CDCP1: variants seen among roughly 807,000 people sequenced by gnomAD.
CDCP1 encodes CUB domain containing protein 1.
Under a neutral mutation model 60.2 loss-of-function variants are expected in CDCP1, and 29 were observed. That is an observed-to-expected ratio of 0.48 (90% CI 0.36 to 0.66). The LOEUF (loss-of-function observed/expected upper bound fraction) is 0.66, where lower values mean the gene tolerates loss of function less well. Among genes scored for constraint, CDCP1 ranks in the 30% least tolerant of loss-of-function variants. The pLI is 0.00. For missense variants in CDCP1, 876 were observed against 1,074.3 expected, an observed-to-expected ratio of 0.82 and a Z score of 2.58; for synonymous variants, 387 against 431.1, an observed-to-expected ratio of 0.90 and a Z score of 1.27.
At chr3:45,138,117 CAATT>C (rs759810658) in intron 1 of CDCP1, among the ~76,000 whole-genome samples, 4 of 152,312 alleles carry the variant, frequency 2.6e-5, no homozygotes, top group Admixed American at 6.5e-5. Flanking sequence ...CTGAGCATGA[CAATT>C]AAGTTGTTAT....
chr3:45,143,557 A>G (rs186381920), intron 1 of CDCP1, among the ~76,000 whole-genome samples: 4 of 152,356 alleles, frequency 2.6e-5, no homozygotes, highest in African/African-American at 7.2e-5. Context: ...ACACATTAAG[A>G]AGACTGCATC....
Position 45,134,906 on chromosome 3 carries a change from G to A in CDCP1, c.82+11300C>T, listed in dbSNP as rs1186628168. On this transcript the variant is annotated intron_variant, in intron 1 of 8. Coordinates refer to ENST00000296129, the MANE Select transcript of CDCP1 (RefSeq NM_022842.5). ...TCCAAAATAACCTACATCAGAAGTT[G>A]GTTACCTTTGAAAGGTGTTATGTCA... 4.6e-5 allele frequency among the ~76,000 whole-genome samples: 7 copies of A among 152,254 alleles called. No individual in the cohort carries two copies. In the East Asian group the frequency reaches 1.2e-3, roughly 25 times the overall value.
intron 1 of CDCP1, among the ~76,000 whole-genome samples, chr3:45,126,120 T>TCTC (rs1698982263): frequency 5.3e-4 from 62 of 117,584 alleles, no homozygotes; most frequent in Admixed American, 3.3e-3. Context: ...CTTTCTTTCT[T>TCTC]TCTTTCTTTC....
chr3:45,112,537 C>T lies in CDCP1; in HGVS notation c.293-92G>A, dbSNP rs867469959. 46 of 1,516,944 alleles carry T rather than the reference C, an allele frequency of 3.0e-5. No homozygotes were observed. The Middle Eastern group carries it at 1.1e-3, about 37-fold the overall frequency. 94.0% of individuals were successfully genotyped at this position (1,516,944 alleles called of 1,614,324 possible). A position where few individuals can be genotyped will look rare whatever the true frequency, so the allele number is the denominator to read the frequency against. On this transcript the variant is annotated intron_variant, in intron 2 of 8. Transcript: ENST00000296129. The stretch of plus-strand genomic sequence containing the variant: ...ACCACTCAGCCCCCTGTAGTAGACT[C>T]TTTGGGGCTCCCCCAAGGTGGCCTT...
Position 45,085,467 on chromosome 3 carries a change from T to C in CDCP1, c.*171A>G, listed in dbSNP as rs182324629. The C allele has an allele frequency of 1.5e-6, 1 of 659,942 alleles. No homozygotes were observed. Among genetic ancestry groups the C allele is most frequent in the East Asian group, 2.6e-5 (1 of 38,352 alleles). 40.9% of individuals were successfully genotyped at this position (659,942 alleles called of 1,614,324 possible). On this transcript the variant is annotated 3_prime_UTR_variant, in exon 9 of 9. Transcript: ENST00000296129. This position sits in a 1 kb window ranked among gnomAD's most constrained non-coding sequence, Gnocchi z 4.2. Reference sequence around the variant, plus strand: ...ATTGGAATTCATCATTTTCAATGTCTTGCCCTTAGAATGAGTCCACTGAGC... The same window carrying C: ...ATTGGAATTCATCATTTTCAATGTCCTGCCCTTAGAATGAGTCCACTGAGC...
intron 2 of CDCP1, among the ~76,000 whole-genome samples, chr3:45,116,414 T>TA (rs5848727): frequency 0.34 from 48,151 of 142,524 alleles, 7,925 homozygotes; most frequent in African/African-American, 0.4. Context: ...AGTGTTCCGT[T>TA]AAAAAAAAAA....
At chr3:45,110,251 T>C in intron 4 of CDCP1, 10 of 1,386,536 alleles carry the variant, frequency 7.2e-6, no homozygotes, top group Non-Finnish European at 9.3e-6. Flanking sequence ...GAATGCAAGA[T>C]TTCTTTTTAT....
intron 2 of CDCP1, among the ~76,000 whole-genome samples, chr3:45,115,399 G>A (rs1476084498): frequency 2.0e-5 from 3 of 152,196 alleles, no homozygotes; most frequent in Non-Finnish European, 2.9e-5. Flanking sequence ...TTGTGTGCAT[G>A]TATGTAAGTG....
At chr3:45,103,863 C>T (rs1160193344) in intron 4 of CDCP1, among the ~76,000 whole-genome samples, 2 of 152,204 alleles carry the variant, frequency 1.3e-5, no homozygotes, top group African/African-American at 4.8e-5. Flanking sequence ...AATCGTGAGC[C>T]AAATAAATCT....
intron 1 of CDCP1, among the ~76,000 whole-genome samples, chr3:45,125,692 G>A (rs1002366213): frequency 6.6e-6 from 1 of 152,206 alleles, no homozygotes; most frequent in African/African-American, 2.4e-5. Flanking sequence ...TACAGTCCTG[G>A]CTGGCTGGGT....
intron 2 of CDCP1, among the ~76,000 whole-genome samples, chr3:45,113,576 A>G (rs540727025): frequency 1.4e-4 from 21 of 152,308 alleles, no homozygotes; most frequent in African/African-American, 5.1e-4. Flanking sequence ...AAATAGAATT[A>G]TGGAGAATTT....
chr3:45,085,957 G>C lies in CDCP1; in HGVS notation c.2192C>G (p.Ser731Cys), dbSNP rs778076161. 2.5e-6 allele frequency: 4 copies of C among 1,614,166 alleles called. No homozygotes were observed. The highest frequency in any genetic ancestry group is 3.4e-6 in the Non-Finnish European group (4 of 1,180,012). The change falls in exon 9 of 9, where the codon TCC becomes TGC. Residue 731 changes from serine (S) to cysteine (C), a missense_variant. By Grantham distance (112) the Ser-to-Cys change is moderately radical (BLOSUM62 -1). Around this residue, in one of 2 missense-constraint regions of CDCP1, gnomAD observed 726 missense variants for 935.7 expected, o/e 0.78. Coordinates refer to ENST00000296129, the MANE Select transcript of CDCP1 (RefSeq NM_022842.5). The surrounding 1 kb of genome is among the most constrained non-coding windows in gnomAD (Gnocchi z 4.2). ...KFQKGRKDND[S>C]HVYAVIEDTM... is the part of the protein sequence containing the mutation. ...GTCCTCGATGACTGCATACACATGGGAGTCATTGTCCTTTCGCCCTTTCTG... is the reference window on the plus strand; with the variant it reads ...GTCCTCGATGACTGCATACACATGGCAGTCATTGTCCTTTCGCCCTTTCTG...
chr3:45,089,949 T>C (rs1034940311), intron 7 of CDCP1, among the ~76,000 whole-genome samples: 20 of 151,908 alleles, frequency 1.3e-4, no homozygotes, highest in African/African-American at 4.6e-4. Context: ...AAAAAGAAAA[T>C]AAATCAGAGG....
In CDCP1 at chr3:45,091,435, G is replaced by A. The variant is rs1305082347; in HGVS notation, c.1731C>T (p.Asn577=). Residue 577 remains asparagine (N), a synonymous_variant, in exon 7 of 9, where the codon AAC becomes AAT. Transcript: ENST00000296129. This position sits in a 1 kb window ranked among gnomAD's most constrained non-coding sequence, Gnocchi z 4.8. ...CCACCTGGTCTCTGGGCACGCTGAT[G>A]TTCCAGGACACAGAGGTGAGGGATG... ...GLPSLTSVSW[N]ISVPRDQVAC... The A allele has an allele frequency of 1.9e-6, 3 of 1,613,278 alleles. No individual in the cohort carries two copies. The highest frequency in any genetic ancestry group is 3.3e-5 in the Admixed American group (2 of 59,894).
intron 4 of CDCP1, among the ~76,000 whole-genome samples, chr3:45,108,954 T>TGCATGTATACATATATATATATATATATA (rs1224356043): frequency 3.1e-5 from 1 of 32,712 alleles, no homozygotes; most frequent in East Asian, 6.8e-4. Flanking sequence ...TATATATATA[T>TGCATGTATACATATATATATATATATATA]TTTTTTTTTT....
intron 1 of CDCP1, among the ~76,000 whole-genome samples, chr3:45,135,594 G>A (rs1699178651): frequency 6.6e-6 from 1 of 152,172 alleles, no homozygotes; most frequent in South Asian, 2.1e-4. Context: ...CACTTAGCAA[G>A]TTGTCATTTC....
intron 1 of CDCP1, among the ~76,000 whole-genome samples, chr3:45,122,470 AT>A (rs965775824): frequency 2.3e-5 from 3 of 132,012 alleles, no homozygotes; most frequent in Non-Finnish European, 4.8e-5. Flanking sequence ...TCTTTTAGAA[AT>A]TTTTTTTTGA....
intron 1 of CDCP1, among the ~76,000 whole-genome samples, chr3:45,136,123 C>A (rs560492402): frequency 6.6e-6 from 1 of 152,140 alleles, no homozygotes; most frequent in Admixed American, 6.5e-5. Flanking sequence ...ATCAAAATGA[C>A]CTTGGACTGG....
chr3:45,127,702 T>C (rs1699027067), intron 1 of CDCP1, among the ~76,000 whole-genome samples: 1 of 152,218 alleles, frequency 6.6e-6, no homozygotes, highest in Admixed American at 6.5e-5. Flanking sequence ...AAGTAGGACC[T>C]GCCAGGACCT....
Sources: allele counts gnomAD v4.1 joint callset (sites outside exome capture counted in the v4.1 genomes callset), GRCh38; gene constraint gnomAD v4.1.1; regional missense constraint gnomAD v4.1.1; non-coding constraint Gnocchi (gnomAD v3.1); transcripts MANE v1.5; gene names NCBI Gene and HGNC (gene_info 2026-07-23, HGNC 2026-07-21).